Variants in OR1J2 observed in about 807,000 individuals in gnomAD.
OR1J2 encodes olfactory receptor 1J2.
For synonymous variants in OR1J2, 142 were observed against 99.7 expected (o/e 1.42, Z -2.52); for missense variants, 304 against 246.1 (o/e 1.24, Z -1.57).
chr9:122,450,790 TCTTTA>T, the OR1J2 span, among the ~76,000 whole-genome samples: 1 of 152,190 alleles, frequency 6.6e-6, no homozygotes, highest in Non-Finnish European at 1.5e-5. Context: ...ACTGTTCTAC[TCTTTA>T]CTTCTATGAA....
At chr9:122,477,447 G>A in the OR1J2 span, 1 of 1,613,990 alleles carries the variant, frequency 6.2e-7, no homozygotes, top group South Asian at 1.1e-5. Context: ...CCAGGAGGAG[G>A]GTATGCAAAA....
chr9:122,488,778 A>G, the OR1J2 span, among the ~76,000 whole-genome samples: 1 of 152,228 alleles, frequency 6.6e-6, no homozygotes, highest in Non-Finnish European at 1.5e-5. Flanking sequence ...TCATTTACTC[A>G]TTCAGAAGAA....
the OR1J2 span, among the ~76,000 whole-genome samples, chr9:122,537,390 T>C: frequency 1.3e-5 from 2 of 152,208 alleles, no homozygotes; most frequent in African/African-American, 2.4e-5. Flanking sequence ...GAGCTGCCTG[T>C]CTTTGGGTTA....
chr9:122,539,484 G>T, the OR1J2 span, among the ~76,000 whole-genome samples: 21 of 152,222 alleles, frequency 1.4e-4, no homozygotes, highest in African/African-American at 4.1e-4. Flanking sequence ...ATGGTGTATA[G>T]GTGCCACATT....
chr9:122,553,577 AT>A, the OR1J2 span: 1 of 1,614,100 alleles, frequency 6.2e-7, no homozygotes, highest in Admixed American at 1.7e-5. Context: ...CTGTGATGGC[AT>A]ATGACCGCTA....
At chr9:122,575,860 T>C in the OR1J2 span, among the ~76,000 whole-genome samples, 1 of 152,238 alleles carries the variant, frequency 6.6e-6, no homozygotes, top group African/African-American at 2.4e-5. Flanking sequence ...TCATGCTTCA[T>C]GTCTGTATCC....
the OR1J2 span, among the ~76,000 whole-genome samples, chr9:122,571,685 C>T: frequency 6.8e-3 from 1,015 of 149,840 alleles, 12 homozygotes; most frequent in African/African-American, 0.024. Context: ...CACTGCACTC[C>T]AGCCTGGCGA....
the OR1J2 span, chr9:122,477,758 T>C: frequency 6.2e-7 from 1 of 1,612,850 alleles, no homozygotes; most frequent in Non-Finnish European, 8.5e-7. Flanking sequence ...TACATGGGGG[T>C]GTGAAGGTGA....
chr9:122,507,963 C>T (rs551196928), upstream of OR1J2, among the ~76,000 whole-genome samples: 7 of 152,056 alleles, frequency 4.6e-5, no homozygotes, highest in East Asian at 1.9e-4. Context: ...TTCTGAGATT[C>T]GCAAGAGTTA....
At chr9:122,477,082 G>A in the OR1J2 span, 4 of 1,613,844 alleles carry the variant, frequency 2.5e-6, no homozygotes, top group Non-Finnish European at 3.4e-6. Flanking sequence ...CAACATGGGA[G>A]TGACTGCTGT....
chr9:122,482,784 C>T, the OR1J2 span, among the ~76,000 whole-genome samples: 2 of 152,148 alleles, frequency 1.3e-5, no homozygotes, highest in Non-Finnish European at 2.9e-5. Flanking sequence ...TGCATGATCT[C>T]ACTCATATGT....
the OR1J2 span, among the ~76,000 whole-genome samples, chr9:122,579,038 T>TA: frequency 2.9e-3 from 426 of 149,064 alleles, 3 homozygotes; most frequent in African/African-American, 9.5e-3. Context: ...CTACTGAAAT[T>TA]AAAAAAAAAT....
At chr9:122,476,117 T>C in the OR1J2 span, among the ~76,000 whole-genome samples, 1 of 152,228 alleles carries the variant, frequency 6.6e-6, no homozygotes. Context: ...AGAACTGAGG[T>C]GACATTTATT....
the OR1J2 span, among the ~76,000 whole-genome samples, chr9:122,551,646 G>A: frequency 6.6e-5 from 10 of 152,040 alleles, no homozygotes; most frequent in South Asian, 2.1e-4. Context: ...TCACATTCCC[G>A]AGACCCACAT....
the OR1J2 span, among the ~76,000 whole-genome samples, chr9:122,487,265 G>A: frequency 1.2e-3 from 178 of 152,208 alleles, no homozygotes; most frequent in African/African-American, 4.2e-3. Flanking sequence ...AAACCTTGAA[G>A]AATGTGCTCA....
the OR1J2 span, among the ~76,000 whole-genome samples, chr9:122,516,857 T>C: frequency 6.6e-6 from 1 of 152,134 alleles, no homozygotes; most frequent in Non-Finnish European, 1.5e-5. Flanking sequence ...CCAACTTCAT[T>C]ATTGCTGTTT....
the OR1J2 span, among the ~76,000 whole-genome samples, chr9:122,541,605 T>C: frequency 6.6e-6 from 1 of 152,224 alleles, no homozygotes; most frequent in African/African-American, 2.4e-5. Flanking sequence ...AAATGCTGAA[T>C]GCTGAAATGC....
chr9:122,466,246 C>T, the OR1J2 span, among the ~76,000 whole-genome samples: 3 of 152,136 alleles, frequency 2.0e-5, no homozygotes, highest in Admixed American at 6.5e-5. Flanking sequence ...AACAACAAAA[C>T]TTCATGAGGC....
the OR1J2 span, among the ~76,000 whole-genome samples, chr9:122,455,547 C>T: frequency 2.6e-5 from 4 of 151,732 alleles, no homozygotes; most frequent in African/African-American, 9.7e-5. Context: ...CATTTTTTCC[C>T]TTCGTCTTTT....
Sources: gnomAD v4.1 joint callset for allele counts (sites outside exome capture counted in the v4.1 genomes callset) on GRCh38, gnomAD v4.1.1 for gene constraint, MANE v1.5 for transcripts, NCBI Gene and HGNC (gene_info 2026-07-23, HGNC 2026-07-21) for gene names.